The following LRIG1 variants were observed in gnomAD, a reference collection of about 807,000 sequenced individuals.
The protein encoded by LRIG1 is leucine-rich repeats and immunoglobulin-like domains protein 1.
LRIG1 carries 48 observed loss-of-function variants against 99.2 expected under a neutral mutation model. The observed-to-expected ratio is 0.48, with a 90% CI of 0.38 to 0.62. LRIG1 has a LOEUF of 0.62. LRIG1 is among the 20% of genes least tolerant of loss of function. The pLI is 0.00. For missense variants in LRIG1, 1,646 were observed against 1,434.4 expected, an observed-to-expected ratio of 1.15 and a Z score of -2.38; for synonymous variants, 772 against 596.1, an observed-to-expected ratio of 1.29 and a Z score of -4.30.
In LRIG1 at chr3:66,445,961, A is replaced by G. The variant is rs143699322; in HGVS notation, c.365+5598T>C. Among the ~76,000 whole-genome samples the G allele has an allele frequency of 4.7e-3, 717 of 152,298 alleles. 11 individuals are homozygous for G. Among genetic ancestry groups the G allele is most frequent in the African/African-American group, 0.013 (521 of 41,560 alleles). On this transcript the variant is annotated intron_variant, in intron 3 of 18. Transcript: ENST00000273261. ...CGACGTTGCACTCCAGGTCACTTCC[A>G]GCTTGGGCCTTCTAAGGGACTCTCA...
intron 1 of LRIG1, among the ~76,000 whole-genome samples, chr3:66,499,589 T>C (rs1266226027): frequency 6.6e-6 from 1 of 152,140 alleles, no homozygotes; most frequent in Admixed American, 6.5e-5. Flanking sequence ...GGGGGAAGAC[T>C]GCCTTCTGCC....
chr3:66,438,295 C>T (rs1451034414), intron 3 of LRIG1, among the ~76,000 whole-genome samples: 1 of 152,186 alleles, frequency 6.6e-6, no homozygotes, highest in Non-Finnish European at 1.5e-5. Flanking sequence ...TGTGAGCCTG[C>T]CAGGAACCTG....
At position 66,394,101 on chromosome 3, in the gene LRIG1, G is replaced by C; in HGVS notation, c.1407C>G (p.Ala469=). The change falls in exon 12 of 19, where the codon GCC becomes GCG. Residue 469 remains alanine (A), a synonymous_variant. Coordinates refer to ENST00000273261, the MANE Select transcript of LRIG1 (RefSeq NM_015541.3). The part of the protein sequence containing the change: ...MLQAFVTATC[A]HPESLKGQSI... ...TCTGACCCTTCAGTGATTCTGGGTG[G>C]GCACAGGTGGCTGTCACAAAGGCCT... 1 of 1,613,938 alleles carries C rather than the reference G, an allele frequency of 6.2e-7. No individual in the cohort carries two copies. The highest frequency in any genetic ancestry group is 8.5e-7 in the Non-Finnish European group (1 of 1,179,952).
chr3:66,409,520 C>T (rs1024667333), intron 7 of LRIG1, among the ~76,000 whole-genome samples: 1 of 152,232 alleles, frequency 6.6e-6, no homozygotes, highest in Non-Finnish European at 1.5e-5. Flanking sequence ...GAGGACCACA[C>T]CACACATCTC....
At chr3:66,385,148 A>AC (rs1474108333) in intron 13 of LRIG1, among the ~76,000 whole-genome samples, 1 of 151,506 alleles carries the variant, frequency 6.6e-6, no homozygotes, top group East Asian at 1.9e-4. Context: ...TCTACTCCCC[A>AC]CCCCCCTCCT....
intron 1 of LRIG1, among the ~76,000 whole-genome samples, chr3:66,474,347 CTTTT>C (rs58012350): frequency 7.1e-6 from 1 of 140,688 alleles, no homozygotes. Flanking sequence ...CATCTACGTT[CTTTT>C]TTTTTTTTTT....
intron 2 of LRIG1, among the ~76,000 whole-genome samples, chr3:66,454,199 A>G (rs1156929262): frequency 6.6e-6 from 1 of 152,154 alleles, no homozygotes; most frequent in Non-Finnish European, 1.5e-5. Flanking sequence ...AAGAACCGCT[A>G]TTCAGAGTAA....
chr3:66,455,204 C>CAA (rs1700184378), intron 2 of LRIG1, among the ~76,000 whole-genome samples: 1 of 152,198 alleles, frequency 6.6e-6, no homozygotes, highest in South Asian at 2.1e-4. Flanking sequence ...CTCGGCCTCT[C>CAA]AATGTGCTGA....
chr3:66,488,346 G>A (rs1401634213), intron 1 of LRIG1, among the ~76,000 whole-genome samples: 1 of 151,934 alleles, frequency 6.6e-6, no homozygotes, highest in Non-Finnish European at 1.5e-5. Context: ...GCCACAGCCG[G>A]GCGTGGTGGC....
chr3:66,492,192 T>C (rs1423014900), intron 1 of LRIG1, among the ~76,000 whole-genome samples: 1 of 152,240 alleles, frequency 6.6e-6, no homozygotes, highest in Admixed American at 6.5e-5. Flanking sequence ...CAAGATTATC[T>C]ATCCTCCAGT....
intron 6 of LRIG1, among the ~76,000 whole-genome samples, chr3:66,410,985 T>G (rs1702446338): frequency 6.6e-6 from 1 of 152,234 alleles, no homozygotes; most frequent in Non-Finnish European, 1.5e-5. Context: ...ATTTAAATCC[T>G]AATTTTGCAG....
intron 1 of LRIG1, among the ~76,000 whole-genome samples, chr3:66,474,765 T>G (rs943775456): frequency 3.9e-5 from 6 of 152,168 alleles, no homozygotes; most frequent in African/African-American, 1.2e-4. Context: ...TCTTACAGGG[T>G]GGACCCTAGC....
chr3:66,500,630 A>G lies in LRIG1; in HGVS notation c.-223T>C. ...GGCGGGGGCCGCAAACCCCGCGCCC[A>G]TCCGGGCCGGCCGGCCCGCCCGCGC... On this transcript the variant is annotated 5_prime_UTR_variant, in exon 1 of 19. It removes an upstream start codon present in the reference 5' UTR. Transcript: ENST00000273261. 1 of 312,662 alleles carries G rather than the reference A, an allele frequency of 3.2e-6. No homozygotes were observed. The highest frequency in any genetic ancestry group is 5.8e-6 in the Non-Finnish European group (1 of 172,344). 19.4% of individuals were successfully genotyped at this position (312,662 alleles called of 1,614,324 possible). A position where few individuals can be genotyped will look rare whatever the true frequency, so the allele number is the denominator to read the frequency against.
chr3:66,465,210 G>A (rs1337409503), intron 1 of LRIG1, among the ~76,000 whole-genome samples: 1 of 152,162 alleles, frequency 6.6e-6, no homozygotes, highest in Non-Finnish European at 1.5e-5. Flanking sequence ...TGGGCCTAAA[G>A]AGTGGAGCCA....
chr3:66,425,402 A>C (rs186308568), intron 3 of LRIG1, among the ~76,000 whole-genome samples: 1 of 152,378 alleles, frequency 6.6e-6, no homozygotes, highest in East Asian at 1.9e-4. Flanking sequence ...TTCATGTGAC[A>C]GAATCTCAGC....
At chr3:66,410,493 C>T (rs994150405) in intron 6 of LRIG1, among the ~76,000 whole-genome samples, 2 of 152,190 alleles carry the variant, frequency 1.3e-5, no homozygotes, top group African/African-American at 4.8e-5. Flanking sequence ...AAGGCCGACT[C>T]GAGTGTTCAT....
chr3:66,432,615 T>G (rs1034456720), intron 3 of LRIG1, among the ~76,000 whole-genome samples: 1 of 152,116 alleles, frequency 6.6e-6, no homozygotes, highest in African/African-American at 2.4e-5. Flanking sequence ...AAAGGTCAAC[T>G]CACTTGCTGA....
chr3:66,380,444 G>A lies in LRIG1; in HGVS notation c.3101C>T (p.Thr1034Ile). ...TLARLYHPDS[T>I]ELQPASSLTS... ...TAATGAAGATGCAGGCTGTAGCTCT[G>A]TGGAGTCCGGGTGATACAACCTTGC... The change falls in exon 19 of 19, where the codon ACA (threonine) becomes ATA (isoleucine). Residue 1034 changes from threonine to isoleucine, a missense_variant. By Grantham distance (89) the Thr-to-Ile change is moderately conservative (BLOSUM62 -1). Coordinates refer to ENST00000273261, the MANE Select transcript of LRIG1 (RefSeq NM_015541.3). The A allele has an allele frequency of 1.2e-6, 2 of 1,614,202 alleles. No individual in the cohort carries two copies. The highest frequency in any genetic ancestry group is 2.2e-5 in the East Asian group (1 of 44,886).
At chr3:66,489,936 TCTC>T (rs765312474) in intron 1 of LRIG1, among the ~76,000 whole-genome samples, 3 of 152,122 alleles carry the variant, frequency 2.0e-5, no homozygotes, top group South Asian at 4.1e-4. Flanking sequence ...GAAAACGTGG[TCTC>T]CTTTCTGTCC....
Sources: allele counts gnomAD v4.1 joint callset (sites outside exome capture counted in the v4.1 genomes callset), GRCh38; gene constraint gnomAD v4.1.1; transcripts MANE v1.5; gene names NCBI Gene and HGNC (gene_info 2026-07-23, HGNC 2026-07-21).